Variants in TEAD4 observed in about 807,000 individuals in gnomAD.
TEAD4 encodes the protein TEA domain transcription factor 4.
In TEAD4, 36 loss-of-function variants were observed where a neutral mutation model predicts 52.4. The observed-to-expected ratio is 0.69, with a 90% confidence interval of 0.53 to 0.91. The LOEUF (loss-of-function observed/expected upper bound fraction) is 0.91, where lower values mean the gene tolerates loss of function less well. Among genes scored for constraint, TEAD4 ranks in the 40% least tolerant of loss-of-function variants. The probability of loss-of-function intolerance (pLI) is 0.00; values close to 1 mark genes in which losing one functional copy is unlikely to be tolerated. For missense variants in TEAD4, 508 were observed against 583.9 expected (o/e 0.87, Z 1.34); for synonymous variants, 220 against 231.0 (o/e 0.95, Z 0.43).
chr12:3,038,599 T>C (rs2098280813), intron 11 of TEAD4, among the ~76,000 whole-genome samples: 1 of 152,218 alleles, frequency 6.6e-6, no homozygotes, highest in African/African-American at 2.4e-5. Context: ...CTGGAGACCC[T>C]GCTCTAATGG....
chr12:3,003,526 G>C (rs2159409), intron 3 of TEAD4, among the ~76,000 whole-genome samples: 89,749 of 152,020 alleles, frequency 0.59, 31,840 homozygotes, highest in Middle Eastern at 0.78. Flanking sequence ...GTGTGTGTGA[G>C]GCTGAGTGTG....
chr12:2,981,569 A>G (rs1410174027), intron 2 of TEAD4, among the ~76,000 whole-genome samples: 1 of 152,170 alleles, frequency 6.6e-6, no homozygotes, highest in Non-Finnish European at 1.5e-5. Flanking sequence ...ACCTGTTTGC[A>G]TGTCTGTCTA....
At chr12:3,009,629 G>A (rs1026822301) in intron 3 of TEAD4, among the ~76,000 whole-genome samples, 1 of 152,200 alleles carries the variant, frequency 6.6e-6, no homozygotes, top group Non-Finnish European at 1.5e-5. Flanking sequence ...GGTGGCTTTA[G>A]TTAGACCTGG....
chr12:3,019,290 C>A, intron 8 of TEAD4, 120 bp downstream of exon 8: 1 of 1,115,828 alleles, frequency 9.0e-7, no homozygotes, highest in Non-Finnish European at 1.3e-6. Flanking sequence ...GTCATGCACA[C>A]TGACCACACG....
At chr12:2,967,127 TTC>T (rs2098221084) in intron 2 of TEAD4, among the ~76,000 whole-genome samples, 1 of 152,158 alleles carries the variant, frequency 6.6e-6, no homozygotes. Context: ...TTAAAAATAT[TTC>T]TCTCTTAAAA....
intron 3 of TEAD4, among the ~76,000 whole-genome samples, chr12:3,008,036 G>T (rs1426324829): frequency 6.6e-6 from 1 of 152,200 alleles, no homozygotes; most frequent in Non-Finnish European, 1.5e-5. Context: ...TTTCTAGGTG[G>T]TGGGTATAAA....
intron 2 of TEAD4, among the ~76,000 whole-genome samples, chr12:2,963,507 T>A (rs757158739): frequency 1.8e-4 from 28 of 151,912 alleles, no homozygotes; most frequent in Non-Finnish European, 3.7e-4. Context: ...TGCTGTCCAG[T>A]AAAGGGGGGT....
At position 3,011,131 on chromosome 12, in the gene TEAD4, G is replaced by C; in HGVS notation, c.291+63G>C. The stretch of plus-strand genomic sequence containing the variant: ...TACCCCAGCACCAGTCTGCTCCCAA[G>C]GTGGGCCAGGCCCTCCCAGGACCAG... On this transcript the variant is annotated intron_variant, in intron 4 of 12. Coordinates refer to ENST00000359864, the MANE Select transcript of TEAD4 (RefSeq NM_003213.4). 1.9e-6 allele frequency: 3 copies of C among 1,586,704 alleles called. No individual in the cohort carries two copies. In the South Asian group the frequency reaches 3.3e-5, roughly 18 times the overall value.
intron 3 of TEAD4, among the ~76,000 whole-genome samples, chr12:3,002,008 C>G (rs2098252108): frequency 6.6e-6 from 1 of 152,114 alleles, no homozygotes; most frequent in South Asian, 2.1e-4. Flanking sequence ...ACGAGAATTG[C>G]TTGAACCTGA....
At chr12:2,976,385 G>C (rs1292680739) in intron 2 of TEAD4, among the ~76,000 whole-genome samples, 1 of 150,876 alleles carries the variant, frequency 6.6e-6, no homozygotes, top group African/African-American at 2.4e-5. Context: ...TTTGCAAATG[G>C]AGGCACTGAG....
intron 4 of TEAD4, among the ~76,000 whole-genome samples, chr12:3,011,589 C>T (rs1002747857): frequency 2.0e-5 from 3 of 152,100 alleles, no homozygotes; most frequent in Admixed American, 2.0e-4. Context: ...AACCCCTCGC[C>T]TCTCTGGAAA....
chr12:2,961,459 C>A (rs2098215244), intron 2 of TEAD4, among the ~76,000 whole-genome samples: 1 of 152,104 alleles, frequency 6.6e-6, no homozygotes, highest in South Asian at 2.1e-4. Flanking sequence ...TGTGGATGTT[C>A]TTGTGGGAAA....
At chr12:3,029,192 G>A (rs543677828) in intron 10 of TEAD4, among the ~76,000 whole-genome samples, 2 of 149,348 alleles carry the variant, frequency 1.3e-5, no homozygotes, top group East Asian at 4.0e-4. Flanking sequence ...TCAACTTCTT[G>A]AGTAGCTGGG....
intron 2 of TEAD4, among the ~76,000 whole-genome samples, chr12:2,993,262 T>C (rs972613328): frequency 6.6e-6 from 1 of 152,198 alleles, no homozygotes; most frequent in Non-Finnish European, 1.5e-5. Flanking sequence ...CACAACTCTG[T>C]GTCTTTCTCC....
intron 11 of TEAD4, among the ~76,000 whole-genome samples, chr12:3,039,308 T>A (rs2098281263): frequency 6.6e-6 from 1 of 152,240 alleles, no homozygotes; most frequent in Admixed American, 6.5e-5. Context: ...TAATGGTGGA[T>A]CCACTTGGGC....
chr12:2,969,321 A>G (rs1293478282), intron 2 of TEAD4, among the ~76,000 whole-genome samples: 2 of 152,214 alleles, frequency 1.3e-5, no homozygotes, highest in Non-Finnish European at 2.9e-5. Context: ...TTTAAAGCAC[A>G]TGGGAGGATG....
intron 5 of TEAD4, 188 bp from the exon 6 acceptor site, chr12:3,017,210 T>A: frequency 1.4e-6 from 1 of 721,368 alleles, no homozygotes; most frequent in South Asian, 1.6e-5. Flanking sequence ...ATGAGAAAAC[T>A]GACCAGAGAA....
intron 2 of TEAD4, among the ~76,000 whole-genome samples, chr12:2,974,924 G>C (rs551769425): frequency 6.6e-6 from 1 of 152,090 alleles, no homozygotes; most frequent in Non-Finnish European, 1.5e-5. Flanking sequence ...AGTCACTCCC[G>C]GGCTAAATCT....
chr12:2,999,182 C>G (rs1591575642), intron 3 of TEAD4, among the ~76,000 whole-genome samples: 1 of 152,186 alleles, frequency 6.6e-6, no homozygotes, highest in African/African-American at 2.4e-5. Flanking sequence ...CTGCTCCCCT[C>G]CTGTCTTCTC....
Sources: allele counts gnomAD v4.1 joint callset (sites outside exome capture counted in the v4.1 genomes callset), GRCh38; gene constraint gnomAD v4.1.1; transcripts MANE v1.5; gene names NCBI Gene and HGNC (gene_info 2026-07-23, HGNC 2026-07-21).